VPS13D: variants seen among roughly 807,000 people sequenced by gnomAD.
VPS13D encodes intermembrane lipid transfer protein VPS13D.
VPS13D carries 187 observed loss-of-function variants against 461.9 expected under a neutral mutation model. The observed-to-expected ratio is 0.40, with a 90% CI of 0.36 to 0.46. VPS13D has a LOEUF of 0.46. VPS13D is among the 20% of genes least tolerant of loss of function. The pLI is 0.60. For missense variants in VPS13D, 4,711 were observed against 5,364.9 expected (o/e 0.88, Z 3.81); for synonymous variants, 1,951 against 1,986.3 (o/e 0.98, Z 0.47).
chr1:12,490,921 C>T (rs565754866), intron 67 of VPS13D, among the ~76,000 whole-genome samples: 3 of 152,306 alleles, frequency 2.0e-5, no homozygotes, highest in Admixed American at 6.5e-5. Context: ...CTGTGGATAC[C>T]AGAGGGTTTT....
chr1:12,247,395 C>T (rs1336839961), intron 5 of VPS13D, among the ~76,000 whole-genome samples: 1 of 144,956 alleles, frequency 6.9e-6, no homozygotes, highest in South Asian at 2.2e-4. Flanking sequence ...CCAGCCTGGG[C>T]GACAAAGCGA....
rs577160844 is a variant in VPS13D, at chr1:12,238,196, A to G, written c.97+3833A>G. On this transcript the variant is annotated intron_variant, in intron 2 of 69. Transcript: ENST00000620676. ...ATATGTATATATATCTCCCCCCCAA[A>G]ATATATATATATAAAATAATCCCCA... Among the ~76,000 whole-genome samples, 13 of 138,874 alleles carry G rather than the reference A, an allele frequency of 9.4e-5. No homozygotes were observed. In the South Asian group the frequency reaches 3.3e-3, roughly 35 times the overall value. 91.1% of individuals were successfully genotyped at this position (138,874 alleles called of 152,430 possible).
Position 12,337,653 on chromosome 1 carries a change from T to C in VPS13D, c.8552-578T>C, listed in dbSNP as rs1643480575. ...CTTCATTGAATTTATTAGTTTTGTA[T>C]TCCAAGGACATTTTATGAAAATATC... On this transcript the variant is annotated intron_variant, in intron 39 of 69. Transcript: ENST00000620676. 3 of 152,322 alleles carry C rather than the reference T, an allele frequency of 2.0e-5. No individual in the cohort carries two copies. In the South Asian group the frequency reaches 6.2e-4, roughly 32 times the overall value. 9.4% of individuals were successfully genotyped at this position (152,322 alleles called of 1,614,324 possible).
Position 12,282,914 on chromosome 1 carries a change from G to C in VPS13D, c.4812G>C (p.Gln1604His). The change falls in exon 21 of 70, where the codon CAG becomes CAC. Residue 1604 changes from glutamine to histidine, a missense_variant. Physicochemically the swap from Gln to His is conservative, Grantham distance 24. Transcript: ENST00000620676. Reference sequence around the variant, plus strand: ...ACTCCAGCCTTTCTAACACCTCTCAGAAGTCATTGTCAGTGAAGGAAGTCA... The same window carrying C: ...ACTCCAGCCTTTCTAACACCTCTCACAAGTCATTGTCAGTGAAGGAAGTCA... Reference protein sequence around the residue: ...FSHSSLSNTSQKSLSVKEVKS... With the variant: ...FSHSSLSNTSHKSLSVKEVKS... 1 of 1,614,180 alleles carries C rather than the reference G, an allele frequency of 6.2e-7. No individual in the cohort carries two copies. The highest frequency in any genetic ancestry group is 8.5e-7 in the Non-Finnish European group (1 of 1,180,020).
intron 1 of VPS13D, among the ~76,000 whole-genome samples, chr1:12,230,932 C>T (rs929003500): frequency 6.6e-6 from 1 of 152,128 alleles, no homozygotes; most frequent in African/African-American, 2.4e-5. Flanking sequence ...GTGGGAGCGT[C>T]GCCTTCCGGG....
chr1:12,374,007 A>C (rs1159580848), intron 55 of VPS13D, 149 bp downstream of exon 55: 1 of 490,560 alleles, frequency 2.0e-6, no homozygotes, highest in East Asian at 4.5e-5. Flanking sequence ...GGTCAGTGTT[A>C]GGGCGGATGA....
intron 60 of VPS13D, among the ~76,000 whole-genome samples, chr1:12,394,954 G>C (rs1430262320): frequency 6.6e-6 from 1 of 151,926 alleles, no homozygotes; most frequent in Non-Finnish European, 1.5e-5. Context: ...ATCCATTCCC[G>C]TATCTGTTCT....
intron 37 of VPS13D, among the ~76,000 whole-genome samples, chr1:12,331,518 T>A (rs1643331264): frequency 6.6e-6 from 1 of 151,458 alleles, no homozygotes; most frequent in Non-Finnish European, 1.5e-5. Context: ...TCATGCTGGC[T>A]AACATGATGA....
chr1:12,261,192 CT>C (rs1641097744), intron 12 of VPS13D, 43 bp downstream of exon 12: 1 of 1,601,392 alleles, frequency 6.2e-7, no homozygotes, highest in African/African-American at 1.3e-5. Flanking sequence ...ACAAATTCGT[CT>C]GTTATTTGTG....
rs57572759 is a variant in VPS13D at position 12,499,490 on chromosome 1, C to T, written c.12794+1859C>T. The T allele has an allele frequency of 9.2e-4, 908 of 985,304 alleles. 8 individuals carry two copies. In the African/African-American group the frequency reaches 0.014, roughly 15 times the overall value. The allele number at this position is 985,304 out of a possible 1,614,324, so 61.0% of individuals were successfully genotyped here. A position where few individuals can be genotyped will look rare whatever the true frequency, so the allele number is the denominator to read the frequency against. On this transcript the variant is annotated intron_variant, in intron 68 of 69. Transcript: ENST00000620676. The stretch of plus-strand genomic sequence containing the variant: ...AATTTGTTTGCAATAGAAGAAATTG[C>T]GTGGTACAGCCAACATAGGACTGCT...
In VPS13D at chr1:12,379,525, C is replaced by T. The variant is rs1644244265; in HGVS notation, c.11119C>T (p.Arg3707Ter). 3 of 1,613,362 alleles carry T rather than the reference C, an allele frequency of 1.9e-6. No homozygotes were observed. The highest frequency in any genetic ancestry group is 2.5e-6 in the Non-Finnish European group (3 of 1,179,730). Reference protein sequence around the residue: ...PLMLRKPDRRRSTTQTWSFRE... With the variant: ...PLMLRKPDRR Reference sequence around the variant, plus strand: ...GATGCTGAGAAAGCCTGACCGCAGGCGAAGCACAACTCAGACGTGGAGTTT... The same window carrying T: ...GATGCTGAGAAAGCCTGACCGCAGGTGAAGCACAACTCAGACGTGGAGTTT... Residue 3707 changes from arginine to a stop codon, truncating the protein, a stop_gained, in exon 57 of 70, where the codon CGA (arginine) becomes TGA (stop). Transcript: ENST00000620676. LOFTEE classifies it high-confidence loss of function.
chr1:12,355,936 G>A lies in VPS13D; in HGVS notation c.9717G>A (p.Leu3239=). 1.2e-6 allele frequency: 2 copies of A among 1,608,542 alleles called. No individual in the cohort carries two copies. The highest frequency in any genetic ancestry group is 8.5e-7 in the Non-Finnish European group (1 of 1,176,360). The stretch of plus-strand genomic sequence containing the variant: ...AGAATTTCCCCCTCTGTAAAGAATT[G>A]CTCATTCCACCTGGAACCCAAAACT... ...SLENFPLCKE[L]LIPPGTQNYM... is the part of the protein sequence containing the mutation. The change falls in exon 48 of 70, where the codon TTG becomes TTA. Residue 3239 remains leucine, a synonymous_variant. Coordinates refer to ENST00000620676, the MANE Select transcript of VPS13D (RefSeq NM_015378.4).
intron 10 of VPS13D, among the ~76,000 whole-genome samples, chr1:12,259,561 C>T (rs986004063): frequency 2.6e-5 from 4 of 152,122 alleles, no homozygotes; most frequent in African/African-American, 9.7e-5. Flanking sequence ...GCTTTGGCCT[C>T]CCAAAGTGCT....
chr1:12,335,174 G>C (rs1218001752), intron 38 of VPS13D, among the ~76,000 whole-genome samples: 1 of 152,076 alleles, frequency 6.6e-6, no homozygotes, highest in Admixed American at 6.5e-5. Flanking sequence ...TCAAGCGATT[G>C]TCCTGCCTCA....
intron 25 of VPS13D, among the ~76,000 whole-genome samples, chr1:12,300,124 T>C (rs1642383073): frequency 6.6e-6 from 1 of 151,982 alleles, no homozygotes; most frequent in Non-Finnish European, 1.5e-5. Flanking sequence ...GGAGGGTATC[T>C]GTTGTTCTCA....
chr1:12,465,344 A>G (rs1645468346), intron 67 of VPS13D: 1 of 152,184 alleles, frequency 6.6e-6, no homozygotes, highest in South Asian at 2.1e-4. Context: ...GTGGGGAGAG[A>G]AGTAGGAGTT....
chr1:12,320,084 A>G (rs148548496), intron 32 of VPS13D, among the ~76,000 whole-genome samples: 58 of 152,336 alleles, frequency 3.8e-4, no homozygotes, highest in African/African-American at 1.2e-3. Context: ...AGGATCTTAT[A>G]TGTTATCCTT....
Position 12,282,928 on chromosome 1 carries a change from T to C in VPS13D, c.4826T>C (p.Val1609Ala), listed in dbSNP as rs369857160. 8.7e-6 allele frequency: 14 copies of C among 1,614,074 alleles called. No individual in the cohort carries two copies. Among genetic ancestry groups the C allele is most frequent in the African/African-American group, 4.0e-5 (3 of 74,924 alleles). The change falls in exon 21 of 70, where the codon GTG (valine) becomes GCG (alanine). Residue 1609 changes from valine to alanine, a missense_variant. Physicochemically the swap from Val to Ala is moderately conservative, Grantham distance 64 (BLOSUM62 0). This residue lies in a region of VPS13D where 4,411 missense variants were observed against 4,937.8 expected (regional missense o/e 0.89). Coordinates refer to ENST00000620676, the MANE Select transcript of VPS13D (RefSeq NM_015378.4). ...AACACCTCTCAGAAGTCATTGTCAG[T>C]GAAGGAAGTCAAATCCTTTACTCAG... ...LSNTSQKSLS[V>A]KEVKSFTQIQ...
chr1:12,271,065 A>G lies in VPS13D; in HGVS notation c.2044A>G (p.Met682Val), dbSNP rs765831536. Residue 682 changes from methionine to valine, a missense_variant, in exon 17 of 70, where the codon ATG becomes GTG. By Grantham distance (21) the Met-to-Val change is conservative. Around this residue, in one of 3 missense-constraint regions of VPS13D, gnomAD observed 4,411 missense variants for 4,937.8 expected, o/e 0.89. Coordinates refer to ENST00000620676, the MANE Select transcript of VPS13D (RefSeq NM_015378.4). The stretch of plus-strand genomic sequence containing the variant: ...CCGAAGACAATATAACAAGCTGAAG[A>G]TGCAGACCAAGGCAGAAATCCGGCA... ...AARRQYNKLK[M>V]QTKAEIRQTL... The G allele has an allele frequency of 6.2e-7, 1 of 1,613,912 alleles. No homozygotes were observed. The highest frequency in any genetic ancestry group is 8.5e-7 in the Non-Finnish European group (1 of 1,179,960).
Sources: gnomAD v4.1 joint callset for allele counts (sites outside exome capture counted in the v4.1 genomes callset) on GRCh38, gnomAD v4.1.1 for gene constraint, gnomAD v4.1.1 regional missense constraint, MANE v1.5 for transcripts, NCBI Gene and HGNC (gene_info 2026-07-23, HGNC 2026-07-21) for gene names.